The following PTPRG variants were observed in gnomAD, a reference collection of about 807,000 sequenced individuals.
PTPRG encodes the protein receptor-type tyrosine-protein phosphatase gamma.
In PTPRG, 102 loss-of-function variants were observed where a neutral mutation model predicts 165.3. The ratio of observed to expected loss-of-function variants is 0.62; its 90% CI spans 0.53 to 0.73. The LOEUF is 0.73. PTPRG is among the 30% of genes least tolerant of loss of function. The pLI is 0.00. For missense variants in PTPRG, 1,866 were observed against 1,861.4 expected (o/e 1.00, Z -0.05); for synonymous variants, 675 against 669.5 (o/e 1.01, Z -0.13).
intron 1 of PTPRG, among the ~76,000 whole-genome samples, chr3:61,629,667 AG>A (rs1701713574): frequency 6.6e-6 from 1 of 152,236 alleles, no homozygotes; most frequent in African/African-American, 2.4e-5. Context: ...ATTGACAGGA[AG>A]GCACTCTCTT....
chr3:62,008,456 G>C (rs2041345849), intron 4 of PTPRG, among the ~76,000 whole-genome samples: 1 of 152,170 alleles, frequency 6.6e-6, no homozygotes, highest in Non-Finnish European at 1.5e-5. Flanking sequence ...GTTCATTTCA[G>C]CTCTGTTCAG....
chr3:62,185,023 G>T lies in PTPRG; in HGVS notation c.1034-6446G>T, dbSNP rs144977762. Among the ~76,000 whole-genome samples the T allele has an allele frequency of 4.0e-3, 610 of 151,958 alleles. 10 individuals carry two copies. Among genetic ancestry groups the T allele is most frequent in the East Asian group, 0.033 (170 of 5,152 alleles). ...TAAAGCCCCAAATGAAGAGGATGGG[G>T]TGGGGGTGGGGAGCCTACTATTTAC... is the stretch of plus-strand genomic sequence containing the variant. On this transcript the variant is annotated intron_variant, in intron 8 of 29. Coordinates refer to ENST00000474889, the MANE Select transcript of PTPRG (RefSeq NM_002841.4).
chr3:61,889,822 T>G (rs2366457), intron 2 of PTPRG, among the ~76,000 whole-genome samples: 13,708 of 152,270 alleles, frequency 0.09, 1,020 homozygotes, highest in African/African-American at 0.2. Flanking sequence ...TTTTAATGTT[T>G]AGCTTATTTC....
At chr3:61,582,969 C>T (rs1700338854) in intron 1 of PTPRG, among the ~76,000 whole-genome samples, 1 of 152,156 alleles carries the variant, frequency 6.6e-6, no homozygotes. Flanking sequence ...GATAAGATAC[C>T]TTCCTACGGG....
At position 61,743,186 on chromosome 3, in the gene PTPRG, G is replaced by A. The variant is rs551359542; in HGVS notation, c.86-5692G>A. ...TTTTTTGCTTCGGGCTGGAAATGAGGTAGGCTCAGTAGAAGTTCTGAGAAG... is the reference window on the plus strand; with the variant it reads ...TTTTTTGCTTCGGGCTGGAAATGAGATAGGCTCAGTAGAAGTTCTGAGAAG... On this transcript the variant is annotated intron_variant, in intron 1 of 29. Transcript: ENST00000474889. 172 of 744,980 alleles carry A rather than the reference G, an allele frequency of 2.3e-4. No individual in the cohort carries two copies. In the South Asian group the frequency reaches 2.4e-3, roughly 11 times the overall value. The allele number at this position is 744,980 out of a possible 1,614,324, so 46.1% of individuals were successfully genotyped here.
chr3:61,702,981 T>A (rs537133686), intron 1 of PTPRG, among the ~76,000 whole-genome samples: 3 of 152,220 alleles, frequency 2.0e-5, no homozygotes, highest in African/African-American at 4.8e-5. Flanking sequence ...CAGTTCCCTC[T>A]GGTGCCTACC....
chr3:61,745,051 C>CTTTTTTTTTTTTTTTTTTT (rs10669472), intron 1 of PTPRG, among the ~76,000 whole-genome samples: 8 of 111,624 alleles, frequency 7.2e-5, no homozygotes, highest in African/African-American at 2.7e-4. Context: ...CATTCCCTCA[C>CTTTTTTTTTTTTTTTTTTT]TTTTTTTTTT....
Position 62,219,134 on chromosome 3 carries a change from T to A in PTPRG, c.2288+151T>A. ...GCCACCCGGAAGGCCATCTTGTCTC[T>A]GTTAGATGATGGCAGGGCCAGATCC... On this transcript the variant is annotated intron_variant, in intron 13 of 29. Coordinates refer to ENST00000474889, the MANE Select transcript of PTPRG (RefSeq NM_002841.4). The surrounding 1 kb of genome is among the most constrained non-coding windows in gnomAD (Gnocchi z 4.5). The A allele has an allele frequency of 1.9e-6, 2 of 1,055,326 alleles. No individual in the cohort carries two copies. The highest frequency in any genetic ancestry group is 2.7e-6 in the Non-Finnish European group (2 of 734,066). The allele number at this position is 1,055,326 out of a possible 1,614,324, so 65.4% of individuals were successfully genotyped here. A position where few individuals can be genotyped will look rare whatever the true frequency, so the allele number is the denominator to read the frequency against.
chr3:61,934,341 G>T (rs185488042), intron 2 of PTPRG, among the ~76,000 whole-genome samples: 1 of 151,850 alleles, frequency 6.6e-6, no homozygotes, highest in Non-Finnish European at 1.5e-5. Context: ...CTAAAACTTG[G>T]ATTTGCTAAT....
rs528985506 is a variant in PTPRG at position 62,053,144 on chromosome 3, A to G, written c.520-25019A>G. On this transcript the variant is annotated intron_variant, in intron 4 of 29. Coordinates refer to ENST00000474889, the MANE Select transcript of PTPRG (RefSeq NM_002841.4). ...AGGATACATCAAACTCTTGACAGAT[A>G]TATGAGTGTCATTTTTTGTGGTTTA... Among the ~76,000 whole-genome samples the G allele has an allele frequency of 2.6e-5, 4 of 152,134 alleles. No individual in the cohort carries two copies. In the South Asian group the frequency reaches 6.2e-4, roughly 24 times the overall value.
chr3:62,008,414 G>T (rs953566161), intron 4 of PTPRG, among the ~76,000 whole-genome samples: 8 of 152,232 alleles, frequency 5.3e-5, no homozygotes, highest in Non-Finnish European at 1.0e-4. Flanking sequence ...CAAATTGATT[G>T]TATGTGCCCC....
intron 2 of PTPRG, among the ~76,000 whole-genome samples, chr3:61,951,769 C>A (rs1025569072): frequency 2.0e-5 from 3 of 152,152 alleles, no homozygotes; most frequent in African/African-American, 7.2e-5. Context: ...TTACTTGATT[C>A]TGTGAAGTGC....
intron 2 of PTPRG, among the ~76,000 whole-genome samples, chr3:61,860,983 C>T (rs1478572390): frequency 1.3e-5 from 2 of 152,066 alleles, no homozygotes; most frequent in Non-Finnish European, 2.9e-5. Flanking sequence ...TGTCCCCAAC[C>T]CGGGCAACCA....
chr3:62,263,887 C>T (rs1701774795), intron 17 of PTPRG: 1 of 152,330 alleles, frequency 6.6e-6, no homozygotes, highest in South Asian at 2.1e-4. Context: ...GTGACTCACG[C>T]CTGTAATCCC....
At chr3:62,059,347 T>C (rs554917848) in intron 4 of PTPRG, among the ~76,000 whole-genome samples, 1 of 152,296 alleles carries the variant, frequency 6.6e-6, no homozygotes, top group Non-Finnish European at 1.5e-5. Flanking sequence ...TGAAAACAGC[T>C]CTAAAGCTTG....
rs71629138 is a variant in PTPRG at position 61,676,456 on chromosome 3, C to CAAAAAAAAAA, written c.86-72413_86-72404dup. Among the ~76,000 whole-genome samples, 58 of 21,840 alleles carry CAAAAAAAAAA rather than the reference C, an allele frequency of 2.7e-3. 10 individuals carry two copies. The highest frequency in any genetic ancestry group is 4.9e-3 in the African/African-American group (34 of 6,886). 14.3% of individuals were successfully genotyped at this position (21,840 alleles called of 152,430 possible). On this transcript the variant is annotated intron_variant, in intron 1 of 29. Coordinates refer to ENST00000474889, the MANE Select transcript of PTPRG (RefSeq NM_002841.4). The stretch of plus-strand genomic sequence containing the variant: ...TGGGCGACAGAGCCAGACTCCATCT[C>CAAAAAAAAAA]AAAAAAAAAAAAAAAAAAGAAAATT...
At position 62,190,116 on chromosome 3, in the gene PTPRG, C is replaced by T. The variant is rs1699771495; in HGVS notation, c.1034-1353C>T. 1.3e-5 allele frequency among the ~76,000 whole-genome samples: 2 copies of T among 152,296 alleles called. No homozygotes were observed. Among genetic ancestry groups the T allele is most frequent in the African/African-American group, 2.4e-5 (1 of 41,564 alleles). On this transcript the variant is annotated intron_variant, in intron 8 of 29. Transcript: ENST00000474889. The surrounding 1 kb of genome is among the most constrained non-coding windows in gnomAD (Gnocchi z 5.2). ...TCTGCGCATGGGATTCTTTGGTGAGCCTCCATCTCTTAGAGTGGAGGTTCT... is the reference window on the plus strand; with the variant it reads ...TCTGCGCATGGGATTCTTTGGTGAGTCTCCATCTCTTAGAGTGGAGGTTCT...
chr3:62,265,109 A>C (rs534414638), intron 17 of PTPRG, among the ~76,000 whole-genome samples: 1 of 152,308 alleles, frequency 6.6e-6, no homozygotes, highest in African/African-American at 2.4e-5. Flanking sequence ...ATGTCTAATC[A>C]GATCCTTTAC....
chr3:62,155,735 A>G (rs993666297), intron 6 of PTPRG, among the ~76,000 whole-genome samples: 1 of 152,194 alleles, frequency 6.6e-6, no homozygotes, highest in Admixed American at 6.5e-5. Context: ...CCCTAGTTAC[A>G]CAGACTTCTC....
Sources: allele counts gnomAD v4.1 joint callset (sites outside exome capture counted in the v4.1 genomes callset), GRCh38; gene constraint gnomAD v4.1.1; non-coding constraint Gnocchi (gnomAD v3.1); transcripts MANE v1.5; gene names NCBI Gene and HGNC (gene_info 2026-07-23, HGNC 2026-07-21).